The following AGFG2 variants were observed in gnomAD, a reference collection of about 807,000 sequenced individuals.
AGFG2 encodes the protein arf-GAP domain and FG repeat-containing protein 2.
A neutral mutation model predicts 48.0 loss-of-function variants in AGFG2; 31 were observed. The observed-to-expected ratio is 0.65, with a 90% CI of 0.49 to 0.87. The LOEUF is 0.87. Ranked by LOEUF, AGFG2 falls within the 40% of genes least tolerant of loss-of-function variation. The pLI is 0.00. For missense variants in AGFG2, 599 were observed against 632.6 expected (o/e 0.95, Z 0.57); for synonymous variants, 229 against 260.8 (o/e 0.88, Z 1.18).
chr7:100,553,407 T>A lies in AGFG2; in HGVS notation c.492T>A (p.Pro164=). ...ATACCAAAGGCAGTGCCTCCACCCCTGTGCAGGGCTCCATCCCAGAAGGGA... is the reference window on the plus strand; with the variant it reads ...ATACCAAAGGCAGTGCCTCCACCCCAGTGCAGGGCTCCATCCCAGAAGGGA... ...PTYTKGSAST[P]VQGSIPEGKP... is the part of the protein sequence containing the mutation. The change falls in exon 4 of 12, where the codon CCT becomes CCA. Residue 164 remains proline, a synonymous_variant. Coordinates refer to ENST00000300176, the MANE Select transcript of AGFG2 (RefSeq NM_006076.5). 1 of 1,614,196 alleles carries A rather than the reference T, an allele frequency of 6.2e-7. No homozygotes were observed. The highest frequency in any genetic ancestry group is 8.5e-7 in the Non-Finnish European group (1 of 1,180,022).
chr7:100,550,305 C>T (rs372850722), intron 2 of AGFG2, 91 bp from the exon 3 acceptor site: 3 of 292,312 alleles, frequency 1.0e-5, no homozygotes, highest in Non-Finnish European at 1.7e-5. Context: ...GACTCCGTCT[C>T]AAAAAAAAAA....
At chr7:100,551,364 G>A (rs915414026) in intron 3 of AGFG2, among the ~76,000 whole-genome samples, 9 of 150,934 alleles carry the variant, frequency 6.0e-5, no homozygotes, top group Admixed American at 1.3e-4. Flanking sequence ...CACTGCGCCC[G>A]GCCTTAATTT....
At position 100,562,196 on chromosome 7, in the gene AGFG2, C is replaced by G; in HGVS notation, c.878-63C>G. The G allele has an allele frequency of 1.9e-6, 3 of 1,576,916 alleles. No individual in the cohort carries two copies. The highest frequency in any genetic ancestry group is 2.6e-6 in the Non-Finnish European group (3 of 1,157,358). On this transcript the variant is annotated intron_variant, in intron 6 of 11. Transcript: ENST00000300176. The surrounding 1 kb of genome is among the most constrained non-coding windows in gnomAD (Gnocchi z 5.4). ...ATCACCACCACCACCTCCATCTGCT[C>G]TCCTGCCCCTCCCGCCCTGTCTTAC... is the stretch of plus-strand genomic sequence containing the variant.
At chr7:100,540,477 G>A (rs970298293) in intron 1 of AGFG2, among the ~76,000 whole-genome samples, 2 of 152,018 alleles carry the variant, frequency 1.3e-5, no homozygotes, top group East Asian at 1.9e-4. Context: ...GGTACTGTTC[G>A]GTCATGCCAG....
In AGFG2 at chr7:100,562,651, C is replaced by T. The variant is rs202169891; in HGVS notation, c.1056C>T (p.Gly352=). ...PPLQSVTMGG[G]GGSSTGLAFG... Reference sequence around the variant, plus strand: ...TCCAGTCTGTCACGATGGGCGGCGGCGGCGGCAGCAGCACAGGGCTGGCCT... The same window carrying T: ...TCCAGTCTGTCACGATGGGCGGCGGTGGCGGCAGCAGCACAGGGCTGGCCT... Residue 352 remains glycine, a synonymous_variant, in exon 8 of 12, where the codon GGC becomes GGT. Coordinates refer to ENST00000300176, the MANE Select transcript of AGFG2 (RefSeq NM_006076.5). This position sits in a 1 kb window ranked among gnomAD's most constrained non-coding sequence, Gnocchi z 5.4. 829 of 1,609,972 alleles carry T rather than the reference C, an allele frequency of 5.1e-4. 12 individuals are homozygous for T. In the South Asian group the frequency reaches 6.9e-3, roughly 13 times the overall value.
intron 1 of AGFG2, among the ~76,000 whole-genome samples, chr7:100,547,748 C>A (rs1800541512): frequency 1.3e-5 from 2 of 152,186 alleles, no homozygotes; most frequent in South Asian, 4.1e-4. Context: ...AAAAGCATTG[C>A]CACAGGTTAC....
chr7:100,562,398 C>G lies in AGFG2; in HGVS notation c.998+19C>G. ...CTAGCAGGTAGGTACAGACAGTGGG[C>G]AGTCTGCTGTAGGGCAGGAGAGCCG... is the stretch of plus-strand genomic sequence containing the variant. On this transcript the variant is annotated intron_variant, in intron 7 of 11. Coordinates refer to ENST00000300176, the MANE Select transcript of AGFG2 (RefSeq NM_006076.5). This position sits in a 1 kb window ranked among gnomAD's most constrained non-coding sequence, Gnocchi z 5.4. 6.2e-7 allele frequency: 1 copy of G among 1,612,712 alleles called. No individual in the cohort carries two copies. Among genetic ancestry groups the G allele is most frequent in the Non-Finnish European group, 8.5e-7 (1 of 1,179,272 alleles).
chr7:100,558,461 G>C (rs929409895), intron 6 of AGFG2, among the ~76,000 whole-genome samples: 17 of 151,984 alleles, frequency 1.1e-4, no homozygotes, highest in Admixed American at 1.0e-3. Flanking sequence ...CCTATATAAA[G>C]TTGTTATAGA....
intron 3 of AGFG2, among the ~76,000 whole-genome samples, chr7:100,550,966 A>T (rs1402361180): frequency 7.5e-6 from 1 of 132,930 alleles, no homozygotes; most frequent in African/African-American, 2.9e-5. Context: ...AGCTCAGGTG[A>T]TCCTCCTACC....
chr7:100,548,703 A>C, intron 1 of AGFG2, 119 bp from the exon 2 acceptor site: 1 of 682,398 alleles, frequency 1.5e-6, no homozygotes. Context: ...GGGGGGTTCT[A>C]TCTGAGCTTA....
In AGFG2 at chr7:100,562,428, A is replaced by G; in HGVS notation, c.998+49A>G. 6.2e-7 allele frequency: 1 copy of G among 1,607,062 alleles called. No individual in the cohort carries two copies. Among genetic ancestry groups the G allele is most frequent in the Non-Finnish European group, 8.5e-7 (1 of 1,175,542 alleles). ...TGCTGTAGGGCAGGAGAGCCGCCCGAAGCCTGGCCATGTTCCTCCCAGCCC... is the reference window on the plus strand; with the variant it reads ...TGCTGTAGGGCAGGAGAGCCGCCCGGAGCCTGGCCATGTTCCTCCCAGCCC... On this transcript the variant is annotated intron_variant, in intron 7 of 11. Coordinates refer to ENST00000300176, the MANE Select transcript of AGFG2 (RefSeq NM_006076.5). The surrounding 1 kb of genome is among the most constrained non-coding windows in gnomAD (Gnocchi z 5.4).
At chr7:100,541,525 C>T (rs1020246419) in intron 1 of AGFG2, among the ~76,000 whole-genome samples, 5 of 151,448 alleles carry the variant, frequency 3.3e-5, no homozygotes, top group African/African-American at 1.2e-4. Context: ...GTATAGGAGG[C>T]CAAGGTGAGC....
intron 1 of AGFG2, among the ~76,000 whole-genome samples, chr7:100,539,990 A>G (rs1440901620): frequency 6.6e-6 from 1 of 151,984 alleles, no homozygotes; most frequent in Non-Finnish European, 1.5e-5. Context: ...CAAAAAGGAA[A>G]AAGGTGGGGA....
chr7:100,556,687 G>A, intron 6 of AGFG2: 1 of 1,241,684 alleles, frequency 8.1e-7, no homozygotes, highest in Admixed American at 2.6e-5. Flanking sequence ...AGTTTTGAGG[G>A]CTGGAAGGAA....
At position 100,549,031 on chromosome 7, in the gene AGFG2, T is replaced by C. The variant is rs1800570639; in HGVS notation, c.315+116T>C. The C allele has an allele frequency of 3.8e-6, 3 of 789,818 alleles. No individual in the cohort carries two copies. In the South Asian group the frequency reaches 4.7e-5, roughly 12 times the overall value. 48.9% of individuals were successfully genotyped at this position (789,818 alleles called of 1,614,324 possible). ...TTTGGTTGAGTTTCTCTTAATTTTT[T>C]CATATGTATGATTTCTTTCCTTAGG... is the stretch of plus-strand genomic sequence containing the variant. On this transcript the variant is annotated intron_variant, in intron 2 of 11. Coordinates refer to ENST00000300176, the MANE Select transcript of AGFG2 (RefSeq NM_006076.5).
At position 100,564,075 on chromosome 7, in the gene AGFG2, G is replaced by A. The variant is rs1216220729; in HGVS notation, c.1300+113G>A. On this transcript the variant is annotated intron_variant, in intron 10 of 11. Coordinates refer to ENST00000300176, the MANE Select transcript of AGFG2 (RefSeq NM_006076.5). Reference sequence around the variant, plus strand: ...CATGCAGTGCCCTTTCTGACCAGCAGGGGGGACCAGGGAAGCACCAGACCC... The same window carrying A: ...CATGCAGTGCCCTTTCTGACCAGCAAGGGGGACCAGGGAAGCACCAGACCC... 5.2e-6 allele frequency: 8 copies of A among 1,550,730 alleles called. No homozygotes were observed. In the African/African-American group the frequency reaches 5.4e-5, roughly 10 times the overall value.
In AGFG2 at chr7:100,559,124, G is replaced by A. The variant is rs143346442; in HGVS notation, c.878-3135G>A. Among the ~76,000 whole-genome samples the A allele has an allele frequency of 2.9e-3, 442 of 152,216 alleles. 3 individuals are homozygous for A. The highest frequency in any genetic ancestry group is 0.01 in the African/African-American group (423 of 41,548). On this transcript the variant is annotated intron_variant, in intron 6 of 11. Transcript: ENST00000300176. ...ACTCTGGGTGACAGAGCAAGACTCT[G>A]TCTCAAACAAAACAAAAACAGTCAA... is the stretch of plus-strand genomic sequence containing the variant.
rs747160526 is a variant in AGFG2 at position 100,563,874 on chromosome 7, C to G, written c.1212C>G (p.Pro404=). The change falls in exon 10 of 12, where the codon CCC becomes CCG. Residue 404 remains proline (P), a synonymous_variant. Transcript: ENST00000300176. ...FGMSSAGPGF[P]QAVPPTGAFA... The stretch of plus-strand genomic sequence containing the variant: ...TGAGCAGTGCTGGGCCTGGCTTCCC[C>G]CAGGCAGTGCCACCCACTGGGGCCT... 3.1e-6 allele frequency: 5 copies of G among 1,611,050 alleles called. No individual in the cohort carries two copies. In the Admixed American group the frequency reaches 8.3e-5, roughly 27 times the overall value.
At chr7:100,559,557 C>A (rs2131120431) in intron 6 of AGFG2, among the ~76,000 whole-genome samples, 1 of 152,234 alleles carries the variant, frequency 6.6e-6, no homozygotes, top group Non-Finnish European at 1.5e-5. Flanking sequence ...TGGCTCATGC[C>A]TGTAATCCCA....
Sources: allele counts gnomAD v4.1 joint callset (sites outside exome capture counted in the v4.1 genomes callset), GRCh38; gene constraint gnomAD v4.1.1; non-coding constraint Gnocchi (gnomAD v3.1); transcripts MANE v1.5; gene names NCBI Gene and HGNC (gene_info 2026-07-23, HGNC 2026-07-21).